The following FABP6 variants were observed in gnomAD, a reference collection of about 807,000 sequenced individuals.
FABP6 encodes the protein fatty acid binding protein 6, also known as gastrotropin.
FABP6 carries 13 observed loss-of-function variants against 14.9 expected under a neutral mutation model. That is an observed-to-expected ratio of 0.87 (90% CI 0.57 to 1.39). The LOEUF is 1.39. Ranked by LOEUF, FABP6 falls within the 40% of genes most tolerant of loss-of-function variation. The probability of loss-of-function intolerance (pLI) is 0.00; values close to 1 mark genes in which losing one functional copy is unlikely to be tolerated. For synonymous variants in FABP6, 75 were observed against 63.6 expected (o/e 1.18, Z -0.85); for missense variants, 161 against 167.2 (o/e 0.96, Z 0.20).
intron 1 of FABP6, among the ~76,000 whole-genome samples, chr5:160,192,382 T>C (rs1443217620): frequency 6.6e-6 from 1 of 152,188 alleles, no homozygotes; most frequent in Non-Finnish European, 1.5e-5. Context: ...CATCCCTATC[T>C]GACATTTTTC....
Position 160,199,866 on chromosome 5 carries a change from G to A in FABP6, c.51+709G>A, listed in dbSNP as rs561264562. On this transcript the variant is annotated intron_variant, in intron 2 of 6. Transcript: ENST00000393980. The stretch of plus-strand genomic sequence containing the variant: ...CCTCCTGAAAGGACTGCTGAGGAGA[G>A]ACAGGCCGTCCTACAAGAAGTGGGG... 9.0e-4 allele frequency among the ~76,000 whole-genome samples: 137 copies of A among 152,300 alleles called. 1 individual carries two copies. The highest frequency in any genetic ancestry group is 3.1e-3 in the African/African-American group (127 of 41,562).
upstream of FABP6, among the ~76,000 whole-genome samples, chr5:160,227,818 A>ATATGTG (rs776387001): frequency 7.6e-6 from 1 of 130,780 alleles, no homozygotes; most frequent in Non-Finnish European, 1.6e-5. Context: ...AAAATCCATG[A>ATATGTG]CGTGTGTGTG....
chr5:160,227,543 A>G (rs951984845), upstream of FABP6, among the ~76,000 whole-genome samples: 1 of 146,934 alleles, frequency 6.8e-6, no homozygotes, highest in African/African-American at 2.5e-5. Flanking sequence ...AAAAAAAAAA[A>G]GGCATGGTGG....
chr5:160,207,722 C>G (rs1369809067), intron 2 of FABP6, among the ~76,000 whole-genome samples: 2 of 120,614 alleles, frequency 1.7e-5, no homozygotes, highest in African/African-American at 6.2e-5. Context: ...ATCTTTACCT[C>G]CTTTTTTTTT....
At chr5:160,204,834 G>A (rs1759727039) in intron 2 of FABP6, 1 of 152,186 alleles carries the variant, frequency 6.6e-6, no homozygotes, top group South Asian at 2.1e-4. Flanking sequence ...TGTGGAGAGG[G>A]AAAGAAGCCA....
chr5:160,207,664 C>T (rs1006315516), intron 2 of FABP6, among the ~76,000 whole-genome samples: 1 of 151,244 alleles, frequency 6.6e-6, no homozygotes, highest in Non-Finnish European at 1.5e-5. Flanking sequence ...AGTAAATACA[C>T]ACCAACTGTT....
At chr5:160,193,701 C>T (rs553131221) in intron 1 of FABP6, among the ~76,000 whole-genome samples, 13 of 152,322 alleles carry the variant, frequency 8.5e-5, no homozygotes, top group African/African-American at 3.1e-4. Flanking sequence ...CTGAGCTAGA[C>T]ACAGGGTGCT....
chr5:160,203,034 T>C (rs973278834), intron 2 of FABP6, among the ~76,000 whole-genome samples: 2 of 151,778 alleles, frequency 1.3e-5, no homozygotes, highest in African/African-American at 4.8e-5. Flanking sequence ...CCCAAGTAGC[T>C]GAGATTATAG....
At chr5:160,197,116 G>A (rs1030311919) in intron 1 of FABP6, 1 of 152,242 alleles carries the variant, frequency 6.6e-6, no homozygotes, top group African/African-American at 2.4e-5. Flanking sequence ...GAGTTTTGCA[G>A]TGCACAACCT....
At chr5:160,211,775 C>G (rs1759896153) in intron 2 of FABP6, among the ~76,000 whole-genome samples, 1 of 152,118 alleles carries the variant, frequency 6.6e-6, no homozygotes, top group Non-Finnish European at 1.5e-5. Context: ...GAGTCCGTGT[C>G]TGCTACTTAG....
intron 3 of FABP6, among the ~76,000 whole-genome samples, chr5:160,235,954 C>T (rs1010230024): frequency 2.6e-5 from 4 of 151,434 alleles, no homozygotes; most frequent in Non-Finnish European, 5.9e-5. Context: ...TGGTCAGGGG[C>T]TTATGAGGGC....
At chr5:160,209,949 C>T (rs59689301) in intron 2 of FABP6, among the ~76,000 whole-genome samples, 1,588 of 152,276 alleles carry the variant, frequency 0.01, 26 homozygotes, top group African/African-American at 0.036. Flanking sequence ...AAGAAAATTT[C>T]AGGAAGAAGT....
intron 2 of FABP6, among the ~76,000 whole-genome samples, chr5:160,207,003 T>C (rs1759783253): frequency 6.6e-6 from 1 of 152,376 alleles, no homozygotes; most frequent in Middle Eastern, 3.4e-3. Context: ...GCTCTTTTTG[T>C]TTTCCTCATA....
At chr5:160,191,518 C>A (rs1759393198) in intron 1 of FABP6, among the ~76,000 whole-genome samples, 1 of 152,050 alleles carries the variant, frequency 6.6e-6, no homozygotes, top group Admixed American at 6.6e-5. Context: ...GCCACCTAGA[C>A]CCTGCCCATC....
intron 2 of FABP6, among the ~76,000 whole-genome samples, chr5:160,212,227 T>C (rs1759908484): frequency 6.6e-6 from 1 of 152,160 alleles, no homozygotes; most frequent in Non-Finnish European, 1.5e-5. Flanking sequence ...CAATCTCGGC[T>C]CACTGCAACC....
intron 3 of FABP6, among the ~76,000 whole-genome samples, chr5:160,222,419 C>T (rs772148290): frequency 3.9e-5 from 6 of 152,078 alleles, no homozygotes; most frequent in Admixed American, 1.3e-4. Flanking sequence ...CTGCAACCTC[C>T]GCCTCCCAGG....
intron 3 of FABP6, among the ~76,000 whole-genome samples, chr5:160,236,003 C>G (rs1057105520): frequency 6.6e-6 from 1 of 150,800 alleles, no homozygotes; most frequent in African/African-American, 2.4e-5. Context: ...GAGACGTCAT[C>G]TCTCTCATGT....
chr5:160,227,172 C>G (rs1760266304), upstream of FABP6, among the ~76,000 whole-genome samples: 1 of 152,140 alleles, frequency 6.6e-6, no homozygotes, highest in Non-Finnish European at 1.5e-5. Flanking sequence ...GTGCCCATAT[C>G]ATTACATAAA....
chr5:160,192,373 A>T (rs1391882255), intron 1 of FABP6, among the ~76,000 whole-genome samples: 3 of 152,124 alleles, frequency 2.0e-5, no homozygotes, highest in African/African-American at 4.8e-5. Context: ...TCCAGCAGTC[A>T]TCCCTATCTG....
Sources: gnomAD v4.1 joint callset for allele counts (sites outside exome capture counted in the v4.1 genomes callset) on GRCh38, gnomAD v4.1.1 for gene constraint, MANE v1.5 for transcripts, NCBI Gene and HGNC (gene_info 2026-07-23, HGNC 2026-07-21) for gene names.